The following SDK2 variants were observed in gnomAD, a reference collection of about 807,000 sequenced individuals.
SDK2 encodes the protein protein sidekick-2.
In SDK2, 105 loss-of-function variants were observed where a neutral mutation model predicts 253.9. The ratio of observed to expected loss-of-function variants is 0.41; its 90% CI spans 0.35 to 0.49. The LOEUF is 0.49. Among genes scored for constraint, SDK2 ranks in the 20% least tolerant of loss-of-function variants. SDK2 has a pLI of 0.06. For synonymous variants in SDK2, 1,249 were observed against 1,234.9 expected (o/e 1.01, Z -0.24); for missense variants, 2,608 against 3,003.0 (o/e 0.87, Z 3.07).
rs1050644472 is a variant in SDK2 at position 73,351,086 on chromosome 17, T to C, written c.5759-296A>G. Among the ~76,000 whole-genome samples, 5 of 147,648 alleles carry C rather than the reference T, an allele frequency of 3.4e-5. No individual in the cohort carries two copies. In the South Asian group the frequency reaches 8.7e-4, roughly 26 times the overall value. On this transcript the variant is annotated intron_variant, in intron 41 of 44. Coordinates refer to ENST00000392650, the MANE Select transcript of SDK2 (RefSeq NM_001144952.2). The stretch of plus-strand genomic sequence containing the variant: ...CTGCCAGGGACATAGGAGGGGAGAG[T>C]GGCAGTGTGTTAGCTACTTTTTCCC...
chr17:73,497,731 T>C (rs1009640883), intron 2 of SDK2, among the ~76,000 whole-genome samples: 1 of 151,934 alleles, frequency 6.6e-6, no homozygotes, highest in African/African-American at 2.4e-5. Flanking sequence ...TCCACCCGCT[T>C]CTCACCCAGC....
rs1179665134 is a variant in SDK2 at position 73,387,968 on chromosome 17, G to C, written c.4262C>G (p.Ser1421Cys). The change falls in exon 30 of 45, where the codon TCC (serine) becomes TGC (cysteine). Residue 1421 changes from serine (S) to cysteine (C), a missense_variant. This residue lies in a region of SDK2 where 1,103 missense variants were observed against 1,143.9 expected (regional missense o/e 0.96). Transcript: ENST00000392650. ...EDVRARSVLL[S>C]WEPGSDGLSP... ...GAGCCCGTCGCTCCCTGGCTCCCAG[G>C]ACAGCAGCACGCTGCGTGCTCTCAC... 1 of 1,573,666 alleles carries C rather than the reference G, an allele frequency of 6.4e-7. No individual in the cohort carries two copies. The highest frequency in any genetic ancestry group is 1.2e-5 in the South Asian group (1 of 85,518).
At chr17:73,552,036 G>C (rs2045067483) in intron 1 of SDK2, among the ~76,000 whole-genome samples, 1 of 152,216 alleles carries the variant, frequency 6.6e-6, no homozygotes, top group African/African-American at 2.4e-5. Context: ...GCAACCTAGA[G>C]TCAGGCAGGT....
rs1452585363 is a variant in SDK2 at position 73,378,368 on chromosome 17, C to CCA, written c.4980+808_4980+809insTG. Among the ~76,000 whole-genome samples the CCA allele has an allele frequency of 4.2e-3, 635 of 151,532 alleles. 25 individuals carry two copies. The East Asian group carries it at 0.089, about 21-fold the overall frequency. On this transcript the variant is annotated intron_variant, in intron 36 of 44. Transcript: ENST00000392650. Reference sequence around the variant, plus strand: ...CCGCCCACCTTGGCCTCCTAAAGTGCGGGAATTACAGGTGTGAGCCACCAC... The same window carrying CCA: ...CCGCCCACCTTGGCCTCCTAAAGTGCCAGGGAATTACAGGTGTGAGCCACCAC...
In SDK2 at chr17:73,398,141, C is replaced by G. The variant is rs745754736; in HGVS notation, c.3248G>C (p.Ser1083Thr). The G allele has an allele frequency of 2.5e-6, 4 of 1,613,536 alleles. No homozygotes were observed. Among genetic ancestry groups the G allele is most frequent in the Non-Finnish European group, 3.4e-6 (4 of 1,179,786 alleles). ...GGTCTGGATCTTTCTAGAAGGCTGA[C>G]TGGGGGGGCTGGTGCCCACGATGTT... Reference protein sequence around the residue: ...QVNIVGTSPPSQPSRKIQTLQ... With the variant: ...QVNIVGTSPPTQPSRKIQTLQ... The change falls in exon 24 of 45, where the codon AGT (serine) becomes ACT (threonine). Residue 1083 changes from serine to threonine, a missense_variant. Ser to Thr is a moderately conservative substitution (Grantham distance 58, BLOSUM62 1). Coordinates refer to ENST00000392650, the MANE Select transcript of SDK2 (RefSeq NM_001144952.2).
chr17:73,424,784 T>C (rs1419056024), intron 12 of SDK2, among the ~76,000 whole-genome samples: 1 of 152,226 alleles, frequency 6.6e-6, no homozygotes, highest in East Asian at 1.9e-4. Flanking sequence ...AACCCGGTGG[T>C]GGCTGAGATG....
At chr17:73,572,398 G>C (rs1406352808) in intron 1 of SDK2, among the ~76,000 whole-genome samples, 4 of 151,892 alleles carry the variant, frequency 2.6e-5, no homozygotes, top group Non-Finnish European at 5.9e-5. Flanking sequence ...TCTGTGCCTG[G>C]AGCGCTCCGA....
Position 73,447,856 on chromosome 17 carries a change from C to T in SDK2, c.480-108G>A. On this transcript the variant is annotated intron_variant, in intron 4 of 44. Coordinates refer to ENST00000392650, the MANE Select transcript of SDK2 (RefSeq NM_001144952.2). The surrounding 1 kb of genome is among the most constrained non-coding windows in gnomAD (Gnocchi z 4.0). Reference sequence around the variant, plus strand: ...GAAGCCCGACCATATCTCCCAGTCCCCAGCCTCCCAGGGCCCCTCCTGCCA... The same window carrying T: ...GAAGCCCGACCATATCTCCCAGTCCTCAGCCTCCCAGGGCCCCTCCTGCCA... The T allele has an allele frequency of 7.6e-7, 1 of 1,323,410 alleles. No individual in the cohort carries two copies. Among genetic ancestry groups the T allele is most frequent in the Non-Finnish European group, 1.0e-6 (1 of 957,338 alleles). The allele number at this position is 1,323,410 out of a possible 1,614,324, so 82.0% of individuals were successfully genotyped here. A position where few individuals can be genotyped will look rare whatever the true frequency, so the allele number is the denominator to read the frequency against.
chr17:73,588,214 G>A (rs970606352), intron 1 of SDK2, among the ~76,000 whole-genome samples: 10 of 107,086 alleles, frequency 9.3e-5, no homozygotes, highest in East Asian at 2.4e-4. Context: ...CCCCTCCCCC[G>A]CCATCTCTAC....
At chr17:73,372,941 C>G (rs1159372602) in intron 36 of SDK2, among the ~76,000 whole-genome samples, 2 of 152,188 alleles carry the variant, frequency 1.3e-5, no homozygotes, top group African/African-American at 2.4e-5. Context: ...GTATCATTAA[C>G]TATCATCACC....
Position 73,644,031 on chromosome 17 carries a change from C to T in SDK2, c.58G>A (p.Ala20Thr), listed in dbSNP as rs1212359072. Residue 20 changes from alanine (A) to threonine (T), a missense_variant, in exon 1 of 45, where the codon GCC (alanine) becomes ACC (threonine). This residue lies in a region of SDK2 where 1,505 missense variants were observed against 1,859.1 expected (regional missense o/e 0.81). Transcript: ENST00000392650. The surrounding 1 kb of genome is among the most constrained non-coding windows in gnomAD (Gnocchi z 6.3). ...CGTGGGGGTCCCTCCTTACCTTGGG[C>T]TCTGGCCGCGCGGATCTGATGCAGA... is the stretch of plus-strand genomic sequence containing the variant. ...LALHQIRAAR[A>T]QDDVSPYFKT... The T allele has an allele frequency of 1.5e-6, 2 of 1,352,008 alleles. No individual in the cohort carries two copies. The highest frequency in any genetic ancestry group is 1.5e-5 in the African/African-American group (1 of 66,122). 83.8% of individuals were successfully genotyped at this position (1,352,008 alleles called of 1,614,324 possible).
intron 10 of SDK2, among the ~76,000 whole-genome samples, chr17:73,432,767 CGT>C (rs66464388): frequency 0.25 from 37,812 of 151,784 alleles, 5,253 homozygotes; most frequent in Non-Finnish European, 0.31. Context: ...TGTGTTTGTA[CGT>C]GTGTGTGCAC....
intron 1 of SDK2, among the ~76,000 whole-genome samples, chr17:73,632,062 G>C (rs1183290614): frequency 6.6e-6 from 1 of 152,214 alleles, no homozygotes; most frequent in African/African-American, 2.4e-5. Context: ...AAGCAGCAGG[G>C]TCCCCTTGGG....
chr17:73,482,517 G>T (rs944225073), intron 2 of SDK2, among the ~76,000 whole-genome samples: 2 of 152,254 alleles, frequency 1.3e-5, no homozygotes, highest in African/African-American at 4.8e-5. Flanking sequence ...TGATCCCCCG[G>T]CCCTGCGGTC....
chr17:73,488,451 C>T (rs925456864), intron 2 of SDK2, among the ~76,000 whole-genome samples: 1 of 152,234 alleles, frequency 6.6e-6, no homozygotes, highest in African/African-American at 2.4e-5. Flanking sequence ...TTGCTGTGCA[C>T]AGTTTTGTCT....
Position 73,455,941 on chromosome 17 carries a change from G to A in SDK2, c.444C>T (p.Phe148=), listed in dbSNP as rs1368560017. 1 of 1,547,224 alleles carries A rather than the reference G, an allele frequency of 6.5e-7. No individual in the cohort carries two copies. Among genetic ancestry groups the A allele is most frequent in the East Asian group, 2.5e-5 (1 of 40,720 alleles). ...TGGGCGGGATCTTGCGGCCGTCCCG[G>A]AACCAGGTCACCTGTGGCTGGGGGA... is the stretch of plus-strand genomic sequence containing the variant. ...ASFPQPQVTW[F]RDGRKIPPSS... is the part of the protein sequence containing the mutation. The change falls in exon 4 of 45, where the codon TTC becomes TTT. Residue 148 remains phenylalanine, a synonymous_variant. Transcript: ENST00000392650. The surrounding 1 kb of genome is among the most constrained non-coding windows in gnomAD (Gnocchi z 5.0).
At chr17:73,384,461 GC>G (rs1280546646) in intron 32 of SDK2, among the ~76,000 whole-genome samples, 1 of 152,178 alleles carries the variant, frequency 6.6e-6, no homozygotes, top group African/African-American at 2.4e-5. Context: ...TGCAAGCTGA[GC>G]CCTCTCCTAC....
At chr17:73,428,474 T>C (rs566126153) in intron 12 of SDK2, among the ~76,000 whole-genome samples, 2 of 152,292 alleles carry the variant, frequency 1.3e-5, no homozygotes, top group African/African-American at 4.8e-5. Context: ...CACTCAGGAT[T>C]CAGCGGCACC....
chr17:73,623,127 C>T (rs781112295), intron 1 of SDK2, among the ~76,000 whole-genome samples: 6 of 152,254 alleles, frequency 3.9e-5, no homozygotes, highest in Non-Finnish European at 8.8e-5. Context: ...GGTATTTCTT[C>T]CCCATTGAGT....
Sources: gnomAD v4.1 joint callset for allele counts (sites outside exome capture counted in the v4.1 genomes callset) on GRCh38, gnomAD v4.1.1 for gene constraint, gnomAD v4.1.1 regional missense constraint, Gnocchi (gnomAD v3.1) non-coding constraint, MANE v1.5 for transcripts, NCBI Gene and HGNC (gene_info 2026-07-23, HGNC 2026-07-21) for gene names.